APBB2: variants seen among roughly 807,000 people sequenced by gnomAD.
The protein encoded by APBB2 is Fe65-like 1.
In APBB2, 38 loss-of-function variants were observed where a neutral mutation model predicts 82.5. The ratio of observed to expected loss-of-function variants is 0.46; its 90% CI spans 0.36 to 0.60. APBB2 has a LOEUF of 0.60. Ranked by LOEUF, APBB2 falls within the 20% of genes least tolerant of loss-of-function variation. APBB2 has a pLI of 0.00. For synonymous variants in APBB2, 341 were observed against 368.2 expected, an observed-to-expected ratio of 0.93 and a Z score of 0.85; for missense variants, 772 against 972.3, an observed-to-expected ratio of 0.79 and a Z score of 2.74.
Position 41,190,241 on chromosome 4 carries a change from A to ATTTT in APBB2, c.-417+24160_-417+24163dup, listed in dbSNP as rs1160837303. On this transcript the variant is annotated intron_variant, in intron 1 of 17. Transcript: ENST00000508593. The stretch of plus-strand genomic sequence containing the variant: ...ATCAAAAGAATTTCCTACATAGGCT[A>ATTTT]TTTTTTTTTTTTTTTTTTTTTTTTT... Among the ~76,000 whole-genome samples the ATTTT allele has an allele frequency of 1.3e-3, 93 of 71,804 alleles. 11 individuals carry two copies. Among genetic ancestry groups the ATTTT allele is most frequent in the African/African-American group, 4.1e-3 (72 of 17,506 alleles). 47.1% of individuals were successfully genotyped at this position (71,804 alleles called of 152,430 possible).
intron 1 of APBB2, among the ~76,000 whole-genome samples, chr4:41,204,854 A>C (rs1454324382): frequency 6.6e-6 from 1 of 152,164 alleles, no homozygotes; most frequent in Admixed American, 6.5e-5. Context: ...TGAGCTTCTT[A>C]ATTTCTCTCT....
intron 2 of APBB2, among the ~76,000 whole-genome samples, chr4:41,115,926 A>G (rs995949865): frequency 1.3e-5 from 2 of 152,234 alleles, no homozygotes; most frequent in African/African-American, 4.8e-5. Flanking sequence ...GAGGATCTAG[A>G]ACCAGAAATA....
chr4:40,855,533 G>A (rs928147273), intron 12 of APBB2, among the ~76,000 whole-genome samples: 10 of 151,998 alleles, frequency 6.6e-5, no homozygotes, highest in Admixed American at 3.3e-4. Flanking sequence ...TCAGCAGTTC[G>A]AGACCAGCCT....
intron 10 of APBB2, among the ~76,000 whole-genome samples, chr4:40,905,494 C>G (rs1048280489): frequency 3.9e-5 from 6 of 152,188 alleles, no homozygotes; most frequent in African/African-American, 1.4e-4. Flanking sequence ...TAAATGAAAA[C>G]GAAAGGATTC....
chr4:41,048,996 G>C (rs1258303175), intron 4 of APBB2, among the ~76,000 whole-genome samples: 2 of 152,180 alleles, frequency 1.3e-5, no homozygotes, highest in South Asian at 2.1e-4. Context: ...GTGCAGTGGC[G>C]TGATCTCGGC....
chr4:41,050,753 G>T (rs578030222), intron 4 of APBB2, among the ~76,000 whole-genome samples: 1 of 152,318 alleles, frequency 6.6e-6, no homozygotes, highest in Admixed American at 6.5e-5. Context: ...AGGGAGAAAT[G>T]GTCATGAAAC....
chr4:41,133,529 G>A (rs531926149), intron 2 of APBB2, among the ~76,000 whole-genome samples: 49 of 152,136 alleles, frequency 3.2e-4, no homozygotes, highest in Non-Finnish European at 5.7e-4. Flanking sequence ...GCTGGAGGTT[G>A]GCAATCACAG....
At chr4:40,934,128 C>T (rs1784850337) in intron 10 of APBB2, among the ~76,000 whole-genome samples, 1 of 152,202 alleles carries the variant, frequency 6.6e-6, no homozygotes. Context: ...AGCTTCCTCT[C>T]CCATTGCTTT....
At chr4:41,063,445 T>C (rs962528630) in intron 4 of APBB2, among the ~76,000 whole-genome samples, 1 of 152,184 alleles carries the variant, frequency 6.6e-6, no homozygotes, top group South Asian at 2.1e-4. Context: ...ACTATGAAAA[T>C]TGATAATTTC....
In APBB2 at chr4:41,014,200, G is replaced by A; in HGVS notation, c.218C>T (p.Thr73Ile). The A allele has an allele frequency of 1.2e-6, 2 of 1,614,208 alleles. No homozygotes were observed. The highest frequency in any genetic ancestry group is 2.2e-5 in the South Asian group (2 of 91,086). ...PPKCRKKYAL[T>I]NIQAAMGLSD... ...GAGGCCCATGGCCGCCTGGATGTTA[G>A]TTAGTGCATATTTTTTCCTGCATTT... Residue 73 changes from threonine (T) to isoleucine (I), a missense_variant, in exon 6 of 18, where the codon ACT (threonine) becomes ATT (isoleucine). Thr to Ile is a moderately conservative substitution (Grantham distance 89). Transcript: ENST00000508593.
At chr4:41,160,329 A>G (rs1463600056) in intron 1 of APBB2, among the ~76,000 whole-genome samples, 1 of 152,076 alleles carries the variant, frequency 6.6e-6, no homozygotes, top group Admixed American at 6.5e-5. Context: ...TTCCCATTTC[A>G]CTCCCTGCAA....
At chr4:41,177,710 T>G (rs1284590486) in intron 1 of APBB2, 1 of 152,224 alleles carries the variant, frequency 6.6e-6, no homozygotes, top group East Asian at 1.9e-4. Context: ...GAGGACAATA[T>G]GGTTGAATAA....
chr4:40,879,559 G>A (rs192950109), intron 12 of APBB2, among the ~76,000 whole-genome samples: 3 of 152,226 alleles, frequency 2.0e-5, no homozygotes, highest in Non-Finnish European at 2.9e-5. Flanking sequence ...TCACCAACTC[G>A]TTAGTTGAGA....
intron 6 of APBB2, among the ~76,000 whole-genome samples, chr4:40,960,911 A>G (rs1793003581): frequency 6.6e-6 from 1 of 151,558 alleles, no homozygotes; most frequent in South Asian, 2.1e-4. Flanking sequence ...AATTCTAACC[A>G]TTGAAGTGTG....
intron 11 of APBB2, 137 bp downstream of exon 11, chr4:40,893,128 C>G: frequency 9.5e-7 from 1 of 1,055,268 alleles, no homozygotes; most frequent in Non-Finnish European, 1.4e-6. Flanking sequence ...CATGCCTACA[C>G]TTCCTGCATT....
At chr4:40,860,107 C>G (rs1215131907) in intron 12 of APBB2, among the ~76,000 whole-genome samples, 1 of 152,202 alleles carries the variant, frequency 6.6e-6, no homozygotes, top group Non-Finnish European at 1.5e-5. Flanking sequence ...TATAAACTTA[C>G]AGAGTCTGGT....
chr4:41,134,047 T>C (rs1475716088), intron 2 of APBB2, among the ~76,000 whole-genome samples: 1 of 152,208 alleles, frequency 6.6e-6, no homozygotes, highest in Non-Finnish European at 1.5e-5. Flanking sequence ...CATTGTTCAC[T>C]AAAACCTTGA....
At chr4:41,088,449 G>A (rs10019918) in intron 3 of APBB2, among the ~76,000 whole-genome samples, 2,641 of 152,292 alleles carry the variant, frequency 0.017, 74 homozygotes, top group African/African-American at 0.06. Context: ...TATTGCCATC[G>A]CAGCCCTGTG....
intron 1 of APBB2, among the ~76,000 whole-genome samples, chr4:41,162,713 G>A (rs963959505): frequency 1.3e-5 from 2 of 152,118 alleles, no homozygotes; most frequent in East Asian, 1.9e-4. Flanking sequence ...AAAATTAGCC[G>A]GGCAAGGTGG....
Sources: gnomAD v4.1 joint callset for allele counts (sites outside exome capture counted in the v4.1 genomes callset) on GRCh38, gnomAD v4.1.1 for gene constraint, MANE v1.5 for transcripts, NCBI Gene and HGNC (gene_info 2026-07-23, HGNC 2026-07-21) for gene names.